Variants in ADH7 observed in about 807,000 individuals in gnomAD.
ADH7 encodes the protein alcohol dehydrogenase 7 (class IV), mu or sigma polypeptide.
In ADH7, 41 loss-of-function variants were observed where a neutral mutation model predicts 34.4. The ratio of observed to expected loss-of-function variants is 1.19; its 90% CI spans 0.93 to 1.55. ADH7 has a LOEUF of 1.55. Ranked by LOEUF, ADH7 falls within the 40% of genes most tolerant of loss-of-function variation. ADH7 has a pLI of 0.00. For synonymous variants in ADH7, 180 were observed against 160.9 expected (o/e 1.12, Z -0.90); for missense variants, 540 against 461.2 (o/e 1.17, Z -1.56).
At chr4:99,435,081 A>T (rs1256249129) in intron 1 of ADH7, 135 bp downstream of exon 1, 2 of 1,548,474 alleles carry the variant, frequency 1.3e-6, no homozygotes, top group African/African-American at 2.7e-5. Context: ...CCCTCACTGT[A>T]TGCCTGCTCA....
intron 5 of ADH7, among the ~76,000 whole-genome samples, chr4:99,424,505 C>G (rs972668369): frequency 5.3e-5 from 8 of 152,002 alleles, no homozygotes. Flanking sequence ...TTCTTCCTAC[C>G]CATGAGCATG....
At chr4:99,429,429 T>C (rs1721889233) in intron 2 of ADH7, 103 bp downstream of exon 2, 4 of 748,804 alleles carry the variant, frequency 5.3e-6, no homozygotes, top group Non-Finnish European at 8.6e-6. Flanking sequence ...ACTCCAAACA[T>C]GGGAAGCATC....
intron 1 of ADH7, among the ~76,000 whole-genome samples, chr4:99,433,474 C>T (rs563711835): frequency 1.8e-4 from 27 of 152,164 alleles, no homozygotes; most frequent in African/African-American, 5.5e-4. Flanking sequence ...TATTTTCTGA[C>T]CTTCCAAATT....
At chr4:99,431,336 C>T (rs1177111136) in intron 1 of ADH7, among the ~76,000 whole-genome samples, 1 of 152,132 alleles carries the variant, frequency 6.6e-6, no homozygotes, top group African/African-American at 2.4e-5. Flanking sequence ...TAAGATGTGA[C>T]TTAAATCTAA....
intron 5 of ADH7, among the ~76,000 whole-genome samples, chr4:99,426,357 A>T (rs1000866872): frequency 6.6e-6 from 1 of 152,224 alleles, no homozygotes; most frequent in Admixed American, 6.5e-5. Flanking sequence ...AATAGATGCA[A>T]TAAAAAATGA....
chr4:99,433,772 A>G (rs1721989498), intron 1 of ADH7, among the ~76,000 whole-genome samples: 1 of 152,206 alleles, frequency 6.6e-6, no homozygotes, highest in African/African-American at 2.4e-5. Context: ...ATGACACCTT[A>G]ATCTCAGAAT....
At chr4:99,430,850 T>G (rs994824784) in intron 1 of ADH7, among the ~76,000 whole-genome samples, 1 of 152,092 alleles carries the variant, frequency 6.6e-6, no homozygotes, top group Non-Finnish European at 1.5e-5. Context: ...TAGGCTGGAG[T>G]GTAGTGGCGC....
intron 1 of ADH7, among the ~76,000 whole-genome samples, chr4:99,431,591 C>T (rs927668542): frequency 2.6e-5 from 4 of 152,076 alleles, no homozygotes; most frequent in African/African-American, 7.2e-5. Context: ...GTCTAATATC[C>T]GGCATCTATA....
intron 5 of ADH7, among the ~76,000 whole-genome samples, chr4:99,422,227 A>G (rs1721682788): frequency 2.0e-5 from 3 of 152,242 alleles, no homozygotes; most frequent in South Asian, 4.1e-4. Flanking sequence ...AGCACTATTT[A>G]CAATAGCAAA....
At chr4:99,427,661 G>A in intron 5 of ADH7, 112 bp downstream of exon 5, 1 of 740,702 alleles carries the variant, frequency 1.4e-6, no homozygotes, top group Non-Finnish European at 1.9e-6. Flanking sequence ...GCCTGAATAT[G>A]CAATACATTC....
intron 1 of ADH7, among the ~76,000 whole-genome samples, chr4:99,431,402 A>G (rs1032080621): frequency 4.6e-5 from 7 of 152,216 alleles, no homozygotes; most frequent in Non-Finnish European, 5.9e-5. Flanking sequence ...TTCTGAACAT[A>G]GGACCTGGTA....
chr4:99,425,883 C>G (rs1267993397), intron 5 of ADH7, among the ~76,000 whole-genome samples: 1 of 151,988 alleles, frequency 6.6e-6, no homozygotes, highest in Non-Finnish European at 1.5e-5. Flanking sequence ...TGCAATCAAA[C>G]TAGAACTCAG....
chr4:99,412,955 C>T lies in ADH7; in HGVS notation c.*193G>A. 1 of 463,932 alleles carries T rather than the reference C, an allele frequency of 2.2e-6. No individual in the cohort carries two copies. The allele number at this position is 463,932 out of a possible 1,614,324, so 28.7% of individuals were successfully genotyped here. ...CAAAAATATTAACATTGTTATTATA[C>T]TAATTCCCAGGTGCTCACAAGACTT... On this transcript the variant is annotated 3_prime_UTR_variant, in exon 9 of 9. Coordinates refer to ENST00000437033, the MANE Select transcript of ADH7 (RefSeq NM_000673.7).
In ADH7 at chr4:99,428,054, A is replaced by G. The variant is rs763725647; in HGVS notation, c.347+33T>C. ...TCAAAAATTAGCATAGGAAAAATGT[A>G]AATACATTAAAGTAAAAATGACTGA... On this transcript the variant is annotated intron_variant, in intron 4 of 8. Transcript: ENST00000437033. 4 of 1,612,914 alleles carry G rather than the reference A, an allele frequency of 2.5e-6. No individual in the cohort carries two copies. The African/African-American group carries it at 4.0e-5, about 16-fold the overall frequency.
Position 99,415,488 on chromosome 4 carries a change from A to G in ADH7, c.1090T>C (p.Ser364Pro). ...KISEGFELLNSGQSIRTVLTF is the reference protein window; with the variant it reads ...KISEGFELLNPGQSIRTVLTF ...ATAAGAAACAGTTACCTTTGTCCTG[A>G]ATTGAGCAGCTCAAATCCTTCACTG... Residue 364 changes from serine to proline, a missense_variant, in exon 8 of 9, where the codon TCA (serine) becomes CCA (proline). Transcript: ENST00000437033. 6.2e-7 allele frequency: 1 copy of G among 1,612,522 alleles called. No homozygotes were observed. Among genetic ancestry groups the G allele is most frequent in the South Asian group, 1.1e-5 (1 of 90,708 alleles).
Position 99,427,843 on chromosome 4 carries a change from G to A in ADH7, c.494C>T (p.Pro165Leu), listed in dbSNP as rs1278049225. The change falls in exon 5 of 9, where the codon CCT becomes CTT. Residue 165 changes from proline to leucine, a missense_variant. Transcript: ENST00000437033. Reference protein sequence around the residue: ...SSVAKIDDAAPPEKVCLIGCG... With the variant: ...SSVAKIDDAALPEKVCLIGCG... Reference sequence around the variant, plus strand: ...GCCAATTAAACAGACTTTCTCAGGAGGAGCTGCATCATCAATCTTAGCAAC... The same window carrying A: ...GCCAATTAAACAGACTTTCTCAGGAAGAGCTGCATCATCAATCTTAGCAAC... 2 of 1,612,110 alleles carry A rather than the reference G, an allele frequency of 1.2e-6. No homozygotes were observed. The highest frequency in any genetic ancestry group is 1.7e-6 in the Non-Finnish European group (2 of 1,179,052).
In ADH7 at chr4:99,412,644, A is replaced by T. The variant is rs990282789; in HGVS notation, c.*504T>A. On this transcript the variant is annotated 3_prime_UTR_variant, in exon 9 of 9. Transcript: ENST00000437033. ...TTTTCTGTCTTTCTTAATCTAATCCAGTAATATGCATCATGGAATGAACTG... is the reference window on the plus strand; with the variant it reads ...TTTTCTGTCTTTCTTAATCTAATCCTGTAATATGCATCATGGAATGAACTG... 6.6e-6 allele frequency: 1 copy of T among 152,216 alleles called. No homozygotes were observed. Among genetic ancestry groups the T allele is most frequent in the South Asian group, 2.1e-4 (1 of 4,838 alleles). 9.4% of individuals were successfully genotyped at this position (152,216 alleles called of 1,614,324 possible).
intron 1 of ADH7, 62 bp from the exon 2 acceptor site, chr4:99,429,695 A>T: frequency 1.7e-6 from 2 of 1,174,384 alleles, no homozygotes; most frequent in Non-Finnish European, 1.2e-6. Context: ...AGACTCCCTG[A>T]CTAGTATAAA....
At chr4:99,420,964 A>G (rs1371329890) in intron 5 of ADH7, among the ~76,000 whole-genome samples, 171 bp from the exon 6 acceptor site, 1 of 152,236 alleles carries the variant, frequency 6.6e-6, no homozygotes, top group Admixed American at 6.5e-5. Context: ...GGACCTCTTC[A>G]AGGAGAATTA....
Sources: gnomAD v4.1 joint callset for allele counts (sites outside exome capture counted in the v4.1 genomes callset) on GRCh38, gnomAD v4.1.1 for gene constraint, MANE v1.5 for transcripts, NCBI Gene and HGNC (gene_info 2026-07-23, HGNC 2026-07-21) for gene names.